ACVR1: variants seen among roughly 807,000 people sequenced by gnomAD.
ACVR1 encodes the protein activin A receptor type 1.
In ACVR1, 38 loss-of-function variants were observed where a neutral mutation model predicts 57.1. The ratio of observed to expected loss-of-function variants is 0.67; its 90% CI spans 0.51 to 0.87. The LOEUF (loss-of-function observed/expected upper bound fraction) is 0.87. Among genes scored for constraint, ACVR1 ranks in the 40% least tolerant of loss-of-function variants. The pLI is 0.00. For synonymous variants in ACVR1, 212 were observed against 228.1 expected (o/e 0.93, Z 0.63); for missense variants, 463 against 638.2 (o/e 0.73, Z 2.96).
chr2:157,775,521 ACTT>A (rs1686247887), intron 5 of ACVR1, among the ~76,000 whole-genome samples: 1 of 152,150 alleles, frequency 6.6e-6, no homozygotes, highest in African/African-American at 2.4e-5. Context: ...ATCTTCTTTC[ACTT>A]CTTCTGAGCA....
chr2:157,870,509 C>A (rs1690082390), intron 1 of ACVR1, among the ~76,000 whole-genome samples: 1 of 152,158 alleles, frequency 6.6e-6, no homozygotes, highest in Non-Finnish European at 1.5e-5. Flanking sequence ...ACCCATTTTC[C>A]AAAGAGGTCA....
intron 9 of ACVR1, among the ~76,000 whole-genome samples, chr2:157,754,819 C>G (rs1685355943): frequency 6.6e-6 from 1 of 152,022 alleles, no homozygotes. Flanking sequence ...AAGAAAAGTA[C>G]AGACCAATAT....
intron 1 of ACVR1, among the ~76,000 whole-genome samples, chr2:157,826,805 AAAAGG>A (rs1286347489): frequency 1.4e-5 from 2 of 142,540 alleles, no homozygotes; most frequent in Non-Finnish European, 1.5e-5. Context: ...AGGGAAAAGG[AAAAGG>A]AAAGGAAAGG....
chr2:157,855,323 T>C (rs201601341), intron 1 of ACVR1, among the ~76,000 whole-genome samples: 70,409 of 108,202 alleles, frequency 0.65, 25,883 homozygotes, highest in Non-Finnish European at 0.79. Context: ...TATATATATA[T>C]ACACACACAC....
At chr2:157,755,554 ATACCATACCATACCG>A (rs1239608916) in intron 9 of ACVR1, among the ~76,000 whole-genome samples, 1 of 147,170 alleles carries the variant, frequency 6.8e-6, no homozygotes, top group South Asian at 2.1e-4. Flanking sequence ...ATACCATACC[ATACCATACCATACCG>A]TACCATACAA....
intron 1 of ACVR1, among the ~76,000 whole-genome samples, chr2:157,853,114 A>T (rs1209405883): frequency 1.3e-5 from 2 of 152,226 alleles, no homozygotes; most frequent in Non-Finnish European, 2.9e-5. Context: ...AATTATTGCT[A>T]CTTACTTGAA....
intron 1 of ACVR1, among the ~76,000 whole-genome samples, chr2:157,858,814 T>C (rs1689625960): frequency 6.6e-6 from 1 of 152,080 alleles, no homozygotes; most frequent in African/African-American, 2.4e-5. Context: ...AGACAGGGTC[T>C]TACTATGTTG....
chr2:157,839,971 T>G (rs1414579249), intron 1 of ACVR1, among the ~76,000 whole-genome samples: 1 of 152,198 alleles, frequency 6.6e-6, no homozygotes, highest in African/African-American at 2.4e-5. Context: ...TTCTGCATGC[T>G]GAGGTGTGGT....
intron 6 of ACVR1, among the ~76,000 whole-genome samples, chr2:157,771,097 A>G (rs1439233601): frequency 6.6e-6 from 1 of 152,252 alleles, no homozygotes; most frequent in Non-Finnish European, 1.5e-5. Context: ...CAATGCTGCT[A>G]GAAGATCGAC....
intron 9 of ACVR1, among the ~76,000 whole-genome samples, chr2:157,749,574 G>C (rs1685100999): frequency 6.6e-6 from 1 of 152,168 alleles, no homozygotes; most frequent in African/African-American, 2.4e-5. Context: ...TTCTCCTCAA[G>C]TTAAAACTCC....
chr2:157,776,728 C>A (rs1055226538), intron 5 of ACVR1, among the ~76,000 whole-genome samples: 1 of 152,174 alleles, frequency 6.6e-6, no homozygotes, highest in African/African-American at 2.4e-5. Context: ...CCAGGTGTAG[C>A]ATCTGTGCTA....
At chr2:157,737,733 A>G in intron 10 of ACVR1, 68 bp from the exon 11 acceptor site, 2 of 1,585,250 alleles carry the variant, frequency 1.3e-6, no homozygotes, top group Non-Finnish European at 1.7e-6. Context: ...AGCTGGGCTG[A>G]TATCATGTCT....
chr2:157,744,196 C>T (rs1684877362), intron 9 of ACVR1, among the ~76,000 whole-genome samples: 1 of 152,176 alleles, frequency 6.6e-6, no homozygotes, highest in African/African-American at 2.4e-5. Flanking sequence ...GTAATGAGGA[C>T]AGAGTCTCTG....
chr2:157,817,577 T>C lies in ACVR1; in HGVS notation c.-8+808A>G, dbSNP rs538599006. Among the ~76,000 whole-genome samples the C allele has an allele frequency of 1.8e-4, 27 of 152,276 alleles. No individual in the cohort carries two copies. The Middle Eastern group carries it at 0.01, about 58-fold the overall frequency. Reference sequence around the variant, plus strand: ...AAGTAGGTTCATTGATTGTAGTACATGTACTACTCTGGTGTGGGATATTGA... The same window carrying C: ...AAGTAGGTTCATTGATTGTAGTACACGTACTACTCTGGTGTGGGATATTGA... On this transcript the variant is annotated intron_variant, in intron 2 of 10. Coordinates refer to ENST00000434821, the MANE Select transcript of ACVR1 (RefSeq NM_001111067.4).
At chr2:157,771,926 C>T (rs1022009165) in intron 6 of ACVR1, among the ~76,000 whole-genome samples, 2 of 152,178 alleles carry the variant, frequency 1.3e-5, no homozygotes, top group African/African-American at 4.8e-5. Context: ...TAAGATACTA[C>T]AAATACTGGC....
chr2:157,837,832 G>A (rs1688838501), intron 1 of ACVR1, among the ~76,000 whole-genome samples: 1 of 152,088 alleles, frequency 6.6e-6, no homozygotes, highest in African/African-American at 2.4e-5. Context: ...AGGAGGTAGA[G>A]AACAAAAGAA....
In ACVR1 at chr2:157,804,553, T is replaced by C. The variant is rs78332500; in HGVS notation, c.-7-5053A>G. ...CAGGCTACTGGGGACTGCAAAATAT[T>C]ATCTGAAGGGTTCAGAGTATGAATC... On this transcript the variant is annotated intron_variant, in intron 2 of 10. Transcript: ENST00000434821. 4.8e-3 allele frequency among the ~76,000 whole-genome samples: 731 copies of C among 152,272 alleles called. 9 individuals carry two copies. The highest frequency in any genetic ancestry group is 0.016 in the African/African-American group (683 of 41,560).
chr2:157,772,438 T>C (rs1021145526), intron 6 of ACVR1, among the ~76,000 whole-genome samples: 2 of 152,204 alleles, frequency 1.3e-5, no homozygotes, highest in African/African-American at 2.4e-5. Flanking sequence ...TACAAGCTAA[T>C]GAAAGGCACT....
chr2:157,849,528 T>C (rs1208094865), intron 1 of ACVR1, among the ~76,000 whole-genome samples: 1 of 152,244 alleles, frequency 6.6e-6, no homozygotes, highest in Non-Finnish European at 1.5e-5. Context: ...AACATTATTG[T>C]ATAGTATTTG....
Sources: allele counts gnomAD v4.1 joint callset (sites outside exome capture counted in the v4.1 genomes callset), GRCh38; gene constraint gnomAD v4.1.1; transcripts MANE v1.5; gene names NCBI Gene and HGNC (gene_info 2026-07-23, HGNC 2026-07-21).